CEP57L1: variants seen among roughly 807,000 people sequenced by gnomAD.
CEP57L1 encodes the protein centrosomal protein CEP57L1.
CEP57L1 carries 37 observed loss-of-function variants against 61.0 expected under a neutral mutation model. The ratio of observed to expected loss-of-function variants is 0.61; its 90% CI spans 0.47 to 0.80. The LOEUF (loss-of-function observed/expected upper bound fraction) is 0.80. CEP57L1 is among the 30% of genes least tolerant of loss of function. CEP57L1 has a pLI of 0.00. For synonymous variants in CEP57L1, 137 were observed against 162.3 expected, an observed-to-expected ratio of 0.84 and a Z score of 1.19; for missense variants, 422 against 524.7, an observed-to-expected ratio of 0.80 and a Z score of 1.91.
At chr6:109,133,019 C>T (rs536217028) in intron 1 of CEP57L1, among the ~76,000 whole-genome samples, 7 of 152,078 alleles carry the variant, frequency 4.6e-5, no homozygotes, top group Non-Finnish European at 8.8e-5. Context: ...TTAATATCTA[C>T]CCAGTAGCCA....
chr6:109,110,178 T>C (rs1771428444), intron 1 of CEP57L1, among the ~76,000 whole-genome samples: 1 of 152,202 alleles, frequency 6.6e-6, no homozygotes, highest in African/African-American at 2.4e-5. Context: ...CGTTTTTATT[T>C]CTCCACATCC....
chr6:109,122,167 T>C (rs1205735136), intron 1 of CEP57L1, among the ~76,000 whole-genome samples: 7 of 152,250 alleles, frequency 4.6e-5, no homozygotes, highest in Non-Finnish European at 7.3e-5. Flanking sequence ...TTAAATTCTC[T>C]GCCTGAAAGA....
chr6:109,144,245 C>T (rs1771726889), intron 1 of CEP57L1, among the ~76,000 whole-genome samples: 1 of 152,050 alleles, frequency 6.6e-6, no homozygotes, highest in Admixed American at 6.6e-5. Flanking sequence ...AAATACTATC[C>T]TGGGAAGTGC....
chr6:109,131,670 T>C (rs1310587762), intron 1 of CEP57L1, among the ~76,000 whole-genome samples: 1 of 150,128 alleles, frequency 6.7e-6, no homozygotes, highest in Admixed American at 6.6e-5. Flanking sequence ...TTTTAAATGC[T>C]GGATAAAATA....
At chr6:109,135,483 C>A (rs1774755341) in intron 1 of CEP57L1, among the ~76,000 whole-genome samples, 1 of 152,154 alleles carries the variant, frequency 6.6e-6, no homozygotes, top group Non-Finnish European at 1.5e-5. Flanking sequence ...CTAGGCAATA[C>A]CATTCAGGAC....
At chr6:109,097,534 A>G (rs1338438567) in intron 1 of CEP57L1, among the ~76,000 whole-genome samples, 1 of 152,106 alleles carries the variant, frequency 6.6e-6, no homozygotes, top group Non-Finnish European at 1.5e-5. Flanking sequence ...CATTTCACCC[A>G]CGCGTTTACT....
chr6:109,149,588 A>T (rs1458802490), intron 3 of CEP57L1, among the ~76,000 whole-genome samples: 102 of 151,964 alleles, frequency 6.7e-4, no homozygotes, highest in African/African-American at 2.4e-3. Context: ...CTTAGGATTG[A>T]CTTGGCAATG....
rs372596886 is a variant in CEP57L1, at chr6:109,159,242, A to C, written c.823-27A>C. The stretch of plus-strand genomic sequence containing the variant: ...GTCTACCAGTGCAAGCTGTTCTGTG[A>C]ATGCAAGTATGCAAAACTTTTTGCA... On this transcript the variant is annotated intron_variant, in intron 8 of 10. Transcript: ENST00000517392. The C allele has an allele frequency of 6.2e-5, 100 of 1,614,148 alleles. 1 individual carries two copies. The African/African-American group carries it at 1.2e-3, about 20-fold the overall frequency.
intron 1 of CEP57L1, among the ~76,000 whole-genome samples, chr6:109,100,816 C>T (rs1782300498): frequency 1.3e-5 from 2 of 151,332 alleles, no homozygotes; most frequent in Admixed American, 6.6e-5. Context: ...TTCATAATGT[C>T]TGCTTTTTGG....
In CEP57L1 at chr6:109,160,590, G is replaced by C; in HGVS notation, c.1035G>C (p.Leu345=). ...TTCATAGGGAGCACCAAGAACTACTGAAACAAATGAAGGAAACTGAAAGTC... is the reference window on the plus strand; with the variant it reads ...TTCATAGGGAGCACCAAGAACTACTCAAACAAATGAAGGAAACTGAAAGTC... ...DQMSMEHQEL[L]KQMKETESHS... Residue 345 remains leucine (L), a synonymous_variant, in exon 10 of 11, where the codon CTG becomes CTC. Transcript: ENST00000517392. 1 of 1,607,062 alleles carries C rather than the reference G, an allele frequency of 6.2e-7. No individual in the cohort carries two copies. Among genetic ancestry groups the C allele is most frequent in the South Asian group, 1.1e-5 (1 of 89,468 alleles).
chr6:109,102,487 A>G (rs985021677), intron 1 of CEP57L1, among the ~76,000 whole-genome samples: 8 of 152,204 alleles, frequency 5.3e-5, no homozygotes, highest in Admixed American at 2.0e-4. Context: ...TCTTTTGCAA[A>G]GCAGAAATTT....
intron 1 of CEP57L1, among the ~76,000 whole-genome samples, chr6:109,136,032 A>C (rs1770628953): frequency 6.6e-6 from 1 of 152,206 alleles, no homozygotes; most frequent in Non-Finnish European, 1.5e-5. Context: ...CTAGAACTAG[A>C]AATACCATTT....
rs1465175909 is a variant in CEP57L1, at chr6:109,149,550, C to T, written c.341-568C>T. Among the ~76,000 whole-genome samples the T allele has an allele frequency of 3.0e-3, 453 of 151,970 alleles. 2 individuals carry two copies. The highest frequency in any genetic ancestry group is 5.2e-3 in the Non-Finnish European group (351 of 67,924). ...TGTAGTATAGTTTGAAGTCAGGTAG[C>T]GTGATGCCTCCAGCTTTGTTCTTTT... On this transcript the variant is annotated intron_variant, in intron 3 of 10. Coordinates refer to ENST00000517392, the MANE Select transcript of CEP57L1 (RefSeq NM_001271852.3).
intron 1 of CEP57L1, among the ~76,000 whole-genome samples, chr6:109,102,650 GT>G (rs202236892): frequency 3.4e-5 from 5 of 146,472 alleles, no homozygotes; most frequent in Non-Finnish European, 4.5e-5. Flanking sequence ...CCATTTTTTA[GT>G]TTTTTTTTTG....
intron 1 of CEP57L1, among the ~76,000 whole-genome samples, chr6:109,103,129 C>T (rs1421468446): frequency 6.6e-6 from 1 of 152,086 alleles, no homozygotes; most frequent in East Asian, 1.9e-4. Context: ...AATAGTTTGA[C>T]CCTTCTCTAC....
At chr6:109,131,413 A>T (rs1238637330) in intron 1 of CEP57L1, among the ~76,000 whole-genome samples, 1 of 152,088 alleles carries the variant, frequency 6.6e-6, no homozygotes, top group East Asian at 1.9e-4. Context: ...GATAATATTC[A>T]TTTTACTGTA....
chr6:109,095,401 A>ATT (rs1384990427), upstream of CEP57L1: 3 of 985,754 alleles, frequency 3.0e-6, no homozygotes, highest in African/African-American at 5.2e-5. Context: ...CAAACCCCAG[A>ATT]TTTAAGTCGG....
intron 1 of CEP57L1, among the ~76,000 whole-genome samples, chr6:109,130,080 T>C (rs1774009236): frequency 6.6e-6 from 1 of 152,220 alleles, no homozygotes; most frequent in African/African-American, 2.4e-5. Context: ...TTTCTGCATA[T>C]GCTTTTGTTA....
intron 3 of CEP57L1, among the ~76,000 whole-genome samples, chr6:109,147,367 G>A (rs78242270): frequency 6.6e-6 from 1 of 151,906 alleles, no homozygotes; most frequent in African/African-American, 2.4e-5. Context: ...GAATACAAAA[G>A]AATTTTATTT....
Sources: gnomAD v4.1 joint callset for allele counts (sites outside exome capture counted in the v4.1 genomes callset) on GRCh38, gnomAD v4.1.1 for gene constraint, MANE v1.5 for transcripts, NCBI Gene and HGNC (gene_info 2026-07-23, HGNC 2026-07-21) for gene names.